ZNF699: variants seen among roughly 807,000 people sequenced by gnomAD.
ZNF699 encodes the protein hangover homolog.
In ZNF699, 18 loss-of-function variants were observed where a neutral mutation model predicts 22.5. The ratio of observed to expected loss-of-function variants is 0.80; its 90% CI spans 0.55 to 1.19. The LOEUF is 1.19. ZNF699 is among the 50% of genes most tolerant of loss of function. The pLI is 0.00. For missense variants in ZNF699, 670 were observed against 763.4 expected (o/e 0.88, Z 1.44); for synonymous variants, 241 against 262.3 (o/e 0.92, Z 0.78).
rs2066268809 is a variant in ZNF699 at position 9,292,536 on chromosome 19, A to T, written c.*2939T>A. Among the ~76,000 whole-genome samples the T allele has an allele frequency of 6.6e-6, 1 of 152,198 alleles. No homozygotes were observed. Among genetic ancestry groups the T allele is most frequent in the Non-Finnish European group, 1.5e-5 (1 of 68,026 alleles). ...CAGCCAAGACAGGGAGACAGAATTC[A>T]ACTAGATAACATTTTTTTAGCCCCA... On this transcript the variant is annotated 3_prime_UTR_variant, in exon 6 of 6. Transcript: ENST00000591998.
rs1181488643 is a variant in ZNF699, at chr19:9,294,731, GAATAA to G, written c.*739_*743del. ...ATTCCCAGCCACGAGCAAGGACAAA[GAATAA>G]AATATAAAAATAGTATATTAAATTA... On this transcript the variant is annotated 3_prime_UTR_variant, in exon 6 of 6. Coordinates refer to ENST00000591998, the MANE Select transcript of ZNF699 (RefSeq NM_198535.3). The G allele has an allele frequency of 5.9e-5, 9 of 151,872 alleles. No homozygotes were observed. Among genetic ancestry groups the G allele is most frequent in the Non-Finnish European group, 1.3e-4 (9 of 67,958 alleles). The allele number at this position is 151,872 out of a possible 1,614,324, so 9.4% of individuals were successfully genotyped here.
In ZNF699 at chr19:9,295,466, T is replaced by A. The variant is rs2066280722; in HGVS notation, c.*9A>T. On this transcript the variant is annotated 3_prime_UTR_variant, in exon 6 of 6. Transcript: ENST00000591998. The stretch of plus-strand genomic sequence containing the variant: ...TGAAGCTTTGCAGACATTCCCATAT[T>A]CCTTACATTTATATGTTTTCTCTAG... 1 of 1,595,240 alleles carries A rather than the reference T, an allele frequency of 6.3e-7. No individual in the cohort carries two copies. The highest frequency in any genetic ancestry group is 1.3e-5 in the African/African-American group (1 of 74,322).
Position 9,296,443 on chromosome 19 carries a change from A to G in ZNF699, c.961T>C (p.Ser321Pro), listed in dbSNP as rs1568344884. ...ECGKAFSCSS[S>P]LSKHKRIHSG... is the part of the protein sequence containing the mutation. ...TGAATTCTTTTGTGTTTGGAGAGTG[A>G]GGAGGAACAACTGAAGGCCTTCCCA... Residue 321 changes from serine (S) to proline (P), a missense_variant, in exon 6 of 6, where the codon TCA becomes CCA. Ser to Pro is a moderately conservative substitution (Grantham distance 74, BLOSUM62 -1). Transcript: ENST00000591998. 1.2e-6 allele frequency: 2 copies of G among 1,613,816 alleles called. No individual in the cohort carries two copies. Among genetic ancestry groups the G allele is most frequent in the Non-Finnish European group, 8.5e-7 (1 of 1,179,946 alleles).
Position 9,296,119 on chromosome 19 carries a change from A to G in ZNF699, c.1285T>C (p.Tyr429His), listed in dbSNP as rs747721625. 1 of 1,610,152 alleles carries G rather than the reference A, an allele frequency of 6.2e-7. No individual in the cohort carries two copies. The highest frequency in any genetic ancestry group is 8.5e-7 in the Non-Finnish European group (1 of 1,178,774). Residue 429 changes from tyrosine to histidine, a missense_variant, in exon 6 of 6, where the codon TAC becomes CAC. Tyr to His is a moderately conservative substitution (Grantham distance 83, BLOSUM62 2). Coordinates refer to ENST00000591998, the MANE Select transcript of ZNF699 (RefSeq NM_198535.3). ...TGTGTATTAAGGGAAGTGGGAAGGTAGAAGGCCTTTCCACATTCCAGACAT... is the reference window on the plus strand; with the variant it reads ...TGTGTATTAAGGGAAGTGGGAAGGTGGAAGGCCTTTCCACATTCCAGACAT... ...YECLECGKAF[Y>H]LPTSLNTHVK... is the part of the protein sequence containing the mutation.
Position 9,303,771 on chromosome 19 carries a change from G to C in ZNF699, c.49-1267C>G, listed in dbSNP as rs146761315. On this transcript the variant is annotated intron_variant, in intron 2 of 5. Transcript: ENST00000591998. ...CTCTTATTGCTCTAGAGATTACAAGGGTTTTTAGGAACTCTGTCCTAGGAA... is the reference window on the plus strand; with the variant it reads ...CTCTTATTGCTCTAGAGATTACAAGCGTTTTTAGGAACTCTGTCCTAGGAA... Among the ~76,000 whole-genome samples the C allele has an allele frequency of 2.6e-4, 39 of 152,032 alleles. No homozygotes were observed. The East Asian group carries it at 4.8e-3, about 19-fold the overall frequency.
In ZNF699 at chr19:9,296,628, G is replaced by C. The variant is rs1414570507; in HGVS notation, c.776C>G (p.Ala259Gly). 1 of 1,613,968 alleles carries C rather than the reference G, an allele frequency of 6.2e-7. No individual in the cohort carries two copies. The highest frequency in any genetic ancestry group is 1.3e-5 in the African/African-American group (1 of 74,896). ...CCTAAAGAATGAGGAACAGCTGAAG[G>C]CTTTGGTACATTCCTTACATTCATA... ...KPYECKECTK[A>G]FSCSSFFRAH... is the part of the protein sequence containing the mutation. The change falls in exon 6 of 6, where the codon GCC (alanine) becomes GGC (glycine). Residue 259 changes from alanine (A) to glycine (G), a missense_variant. By Grantham distance (60) the Ala-to-Gly change is moderately conservative. Coordinates refer to ENST00000591998, the MANE Select transcript of ZNF699 (RefSeq NM_198535.3).
chr19:9,300,144 G>A (rs2066301993), intron 3 of ZNF699, among the ~76,000 whole-genome samples: 2 of 151,866 alleles, frequency 1.3e-5, no homozygotes, highest in African/African-American at 4.8e-5. Flanking sequence ...GCAGTGGTGT[G>A]ATCTCAGCTC....
rs997184173 is a variant in ZNF699 at position 9,297,227 on chromosome 19, T to C, written c.470+69A>G. On this transcript the variant is annotated intron_variant, in intron 5 of 5. Coordinates refer to ENST00000591998, the MANE Select transcript of ZNF699 (RefSeq NM_198535.3). This position sits in a 1 kb window ranked among gnomAD's most constrained non-coding sequence, Gnocchi z 4.3. Reference sequence around the variant, plus strand: ...GGCTTATTTATATATACATATTTCTTAAATTTCATGACTTTAATTTTAAGA... The same window carrying C: ...GGCTTATTTATATATACATATTTCTCAAATTTCATGACTTTAATTTTAAGA... The C allele has an allele frequency of 6.9e-7, 1 of 1,454,912 alleles. No homozygotes were observed. Among genetic ancestry groups the C allele is most frequent in the African/African-American group, 1.5e-5 (1 of 68,384 alleles). 90.1% of individuals were successfully genotyped at this position (1,454,912 alleles called of 1,614,324 possible). A position where few individuals can be genotyped will look rare whatever the true frequency, so the allele number is the denominator to read the frequency against.
chr19:9,295,407 C>A lies in ZNF699; in HGVS notation c.*68G>T. 3 of 1,517,202 alleles carry A rather than the reference C, an allele frequency of 2.0e-6. No individual in the cohort carries two copies. The South Asian group carries it at 4.0e-5, about 20-fold the overall frequency. 94.0% of individuals were successfully genotyped at this position (1,517,202 alleles called of 1,614,324 possible). ...ACTTTCTTACATTCATAGGGTGTCT[C>A]CACAGTATGAGATCTCACATGTTGC... On this transcript the variant is annotated 3_prime_UTR_variant, in exon 6 of 6. Coordinates refer to ENST00000591998, the MANE Select transcript of ZNF699 (RefSeq NM_198535.3).
At chr19:9,301,208 C>A (rs958457431) in intron 3 of ZNF699, among the ~76,000 whole-genome samples, 1 of 151,502 alleles carries the variant, frequency 6.6e-6, no homozygotes, top group African/African-American at 2.4e-5. Context: ...GAAATAGGGT[C>A]TTTACAGATA....
Position 9,291,628 on chromosome 19 carries a change from C to G in ZNF699, c.*3847G>C, listed in dbSNP as rs969969558. 1 of 151,490 alleles carries G rather than the reference C, an allele frequency of 6.6e-6. No homozygotes were observed. Among genetic ancestry groups the G allele is most frequent in the African/African-American group, 2.4e-5 (1 of 41,216 alleles). 9.4% of individuals were successfully genotyped at this position (151,490 alleles called of 1,614,324 possible). ...AAACATAGGAGAGTAGATTCATTATCTTGGTCCAGGCAAATAATTCTTAAA... is the reference window on the plus strand; with the variant it reads ...AAACATAGGAGAGTAGATTCATTATGTTGGTCCAGGCAAATAATTCTTAAA... On this transcript the variant is annotated 3_prime_UTR_variant, in exon 6 of 6. Coordinates refer to ENST00000591998, the MANE Select transcript of ZNF699 (RefSeq NM_198535.3).
chr19:9,292,338 G>A lies in ZNF699; in HGVS notation c.*3137C>T, dbSNP rs1279506321. On this transcript the variant is annotated 3_prime_UTR_variant, in exon 6 of 6. Transcript: ENST00000591998. ...AGTGACTAGAGTACAGTGGGCAAGT[G>A]AGCCAATCAGAGCCAACGAGATTCA... 6.6e-6 allele frequency among the ~76,000 whole-genome samples: 1 copy of A among 152,150 alleles called. No homozygotes were observed. Among genetic ancestry groups the A allele is most frequent in the Admixed American group, 6.5e-5 (1 of 15,270 alleles).
intron 1 of ZNF699, among the ~76,000 whole-genome samples, chr19:9,305,794 CG>C: frequency 6.6e-6 from 1 of 151,976 alleles, no homozygotes; most frequent in Non-Finnish European, 1.5e-5. Flanking sequence ...CTCCACCTCC[CG>C]GGTTCATGCC....
rs573719273 is a variant in ZNF699, at chr19:9,302,148, C to T, written c.175+230G>A. Among the ~76,000 whole-genome samples the T allele has an allele frequency of 1.2e-4, 18 of 152,188 alleles. No individual in the cohort carries two copies. The East Asian group carries it at 2.9e-3, about 24-fold the overall frequency. ...AACTCCTGACCTCAGGTGATCCACCCGCCTTAGCCTCCCAAAATGCTGGGA... is the reference window on the plus strand; with the variant it reads ...AACTCCTGACCTCAGGTGATCCACCTGCCTTAGCCTCCCAAAATGCTGGGA... On this transcript the variant is annotated intron_variant, in intron 3 of 5. Coordinates refer to ENST00000591998, the MANE Select transcript of ZNF699 (RefSeq NM_198535.3).
In ZNF699 at chr19:9,295,339, TAA is replaced by T. The variant is rs1047588228; in HGVS notation, c.*134_*135del. 1 of 1,179,166 alleles carries T rather than the reference TAA, an allele frequency of 8.5e-7. No individual in the cohort carries two copies. Among genetic ancestry groups the T allele is most frequent in the Non-Finnish European group, 1.2e-6 (1 of 844,732 alleles). The allele number at this position is 1,179,166 out of a possible 1,614,324, so 73.0% of individuals were successfully genotyped here. On this transcript the variant is annotated 3_prime_UTR_variant, in exon 6 of 6. Transcript: ENST00000591998. ...ATGACTTACATACACAGGGTTTCTC[TAA>T]AGTGTCCTCAAATCTTCAAAACGAT...
chr19:9,307,263 A>G (rs1279875387), intron 1 of ZNF699, among the ~76,000 whole-genome samples: 1 of 152,172 alleles, frequency 6.6e-6, no homozygotes, highest in Non-Finnish European at 1.5e-5. Context: ...CCTAAGGCCT[A>G]TGTCTTGGGC....
rs761068949 is a variant in ZNF699, at chr19:9,296,465, C to G, written c.939G>C (p.Gly313=). The part of the protein sequence containing the change: ...GDKPYECKEC[G]KAFSCSSSLS... Reference sequence around the variant, plus strand: ...GTGAGGAGGAACAACTGAAGGCCTTCCCACATTCCTTACATTCATAAGGCT... The same window carrying G: ...GTGAGGAGGAACAACTGAAGGCCTTGCCACATTCCTTACATTCATAAGGCT... Residue 313 remains glycine (G), a synonymous_variant, in exon 6 of 6, where the codon GGG becomes GGC. Coordinates refer to ENST00000591998, the MANE Select transcript of ZNF699 (RefSeq NM_198535.3). 1 of 1,614,080 alleles carries G rather than the reference C, an allele frequency of 6.2e-7. No individual in the cohort carries two copies. Among genetic ancestry groups the G allele is most frequent in the East Asian group, 2.2e-5 (1 of 44,858 alleles).
chr19:9,297,606 G>C lies in ZNF699; in HGVS notation c.287-127C>G. On this transcript the variant is annotated intron_variant, in intron 4 of 5. Transcript: ENST00000591998. The surrounding 1 kb of genome is among the most constrained non-coding windows in gnomAD (Gnocchi z 4.3). ...GCAATTAACTAAGAAATAATTTTAT[G>C]AAGATTGAAACTAACATAACTAATA... is the stretch of plus-strand genomic sequence containing the variant. 1.3e-6 allele frequency: 1 copy of C among 746,260 alleles called. No individual in the cohort carries two copies. The highest frequency in any genetic ancestry group is 2.1e-6 in the Non-Finnish European group (1 of 473,586). The allele number at this position is 746,260 out of a possible 1,614,324, so 46.2% of individuals were successfully genotyped here. A position where few individuals can be genotyped will look rare whatever the true frequency, so the allele number is the denominator to read the frequency against.
At chr19:9,305,181 A>G in intron 1 of ZNF699, 57 bp from the exon 2 acceptor site, 1 of 1,497,292 alleles carries the variant, frequency 6.7e-7, no homozygotes, top group Non-Finnish European at 9.2e-7. Context: ...TGACATGAGA[A>G]TCCAGACCTC....
Sources: allele counts gnomAD v4.1 joint callset (sites outside exome capture counted in the v4.1 genomes callset), GRCh38; gene constraint gnomAD v4.1.1; non-coding constraint Gnocchi (gnomAD v3.1); transcripts MANE v1.5; gene names NCBI Gene and HGNC (gene_info 2026-07-23, HGNC 2026-07-21).